DPH6: variants seen among roughly 807,000 people sequenced by gnomAD.
DPH6 encodes the protein diphthamine biosynthesis 6.
A neutral mutation model predicts 38.2 loss-of-function variants in DPH6; 33 were observed. That is an observed-to-expected ratio of 0.86 (90% CI 0.65 to 1.15). The LOEUF (loss-of-function observed/expected upper bound fraction) is 1.15, where lower values mean the gene tolerates loss of function less well. DPH6 is among the 50% of genes most tolerant of loss of function. The pLI, the probability that DPH6 is intolerant of heterozygous loss-of-function variation, is 0.00. For missense variants in DPH6, 325 were observed against 320.0 expected (o/e 1.02, Z -0.12); for synonymous variants, 108 against 103.0 (o/e 1.05, Z -0.30).
intron 3 of DPH6, among the ~76,000 whole-genome samples, chr15:35,475,124 G>C (rs1442453648): frequency 6.6e-6 from 1 of 151,792 alleles, no homozygotes; most frequent in Non-Finnish European, 1.5e-5. Context: ...CAGCTTTCCT[G>C]GTTCCAGCTG....
chr15:35,333,193 C>T (rs1231070659), intron 3 of DPH6, among the ~76,000 whole-genome samples: 1 of 151,724 alleles, frequency 6.6e-6, no homozygotes, highest in Non-Finnish European at 1.5e-5. Flanking sequence ...ATGAAAAAGA[C>T]CAATATCTGA....
intron 3 of DPH6, chr15:35,489,843 T>A: frequency 1.0e-6 from 1 of 973,472 alleles, no homozygotes. Context: ...AAAAGGAATA[T>A]TAATAAGAGT....
At chr15:35,400,648 C>G in intron 6 of DPH6, 1 of 565,002 alleles carries the variant, frequency 1.8e-6, no homozygotes, top group Admixed American at 2.7e-5. Context: ...CCAGTGGATG[C>G]CACCGAGGAA....
At chr15:35,542,388 C>G (rs1194280116) in intron 2 of DPH6, 25 bp downstream of exon 2, 1 of 1,524,490 alleles carries the variant, frequency 6.6e-7, no homozygotes, top group Non-Finnish European at 9.0e-7. Flanking sequence ...ATTTAGGCAA[C>G]TTCCCAATAA....
chr15:35,415,154 A>G (rs1184351983), intron 5 of DPH6, among the ~76,000 whole-genome samples: 5 of 151,926 alleles, frequency 3.3e-5, no homozygotes, highest in Admixed American at 2.6e-4. Flanking sequence ...ATATTCATCT[A>G]TGACTGCCAT....
chr15:35,474,957 G>A lies in DPH6; in HGVS notation c.313-20137C>T, dbSNP rs140659527. Among the ~76,000 whole-genome samples, 532 of 151,358 alleles carry A rather than the reference G, an allele frequency of 3.5e-3. 4 individuals carry two copies. Among genetic ancestry groups the A allele is most frequent in the African/African-American group, 0.012 (515 of 41,342 alleles). ...AAAACTTGGATACAATCACATTTGG[G>A]ATTAAGAAAAAAAGAAAAAGAAAAA... On this transcript the variant is annotated intron_variant, in intron 3 of 8. Transcript: ENST00000256538.
At chr15:35,513,704 T>C (rs1055487037) in intron 3 of DPH6, among the ~76,000 whole-genome samples, 5 of 151,970 alleles carry the variant, frequency 3.3e-5, no homozygotes, top group Admixed American at 6.6e-5. Context: ...ACAAACTTTA[T>C]AGATCCTAAC....
At chr15:35,458,467 G>A (rs1309265506) in intron 3 of DPH6, among the ~76,000 whole-genome samples, 1 of 148,848 alleles carries the variant, frequency 6.7e-6, no homozygotes, top group African/African-American at 2.6e-5. Flanking sequence ...ACAAATAAAG[G>A]GCAAAATAGA....
chr15:35,347,000 A>G (rs2052467122), intron 3 of DPH6, among the ~76,000 whole-genome samples: 1 of 152,136 alleles, frequency 6.6e-6, no homozygotes, highest in South Asian at 2.1e-4. Context: ...CCTCTCAGGT[A>G]TCTGGTTATA....
At chr15:35,279,827 CAT>C (rs972407368) in intron 3 of DPH6, among the ~76,000 whole-genome samples, 2 of 152,290 alleles carry the variant, frequency 1.3e-5, no homozygotes, top group African/African-American at 4.8e-5. Flanking sequence ...CCCCCAAATT[CAT>C]ATGTTGAAGC....
chr15:35,490,949 C>T (rs2054468568), intron 3 of DPH6, among the ~76,000 whole-genome samples: 1 of 152,012 alleles, frequency 6.6e-6, no homozygotes, highest in Admixed American at 6.6e-5. Flanking sequence ...CACCATGTGG[C>T]AAGGAAATAC....
At chr15:35,268,747 GA>G (rs60593996) in intron 3 of DPH6, among the ~76,000 whole-genome samples, 4,777 of 139,702 alleles carry the variant, frequency 0.034, 205 homozygotes, top group African/African-American at 0.11. Flanking sequence ...ATAAAAAATG[GA>G]AAAAAAAAAA....
At position 35,371,804 on chromosome 15, in the gene DPH6, T is replaced by C; in HGVS notation, c.*346A>G. ...GCATCATGACATTATTGGTAGGGAT[T>C]GGAGCAAGAAAGAGAGAAGGAGGAA... On this transcript the variant is annotated 3_prime_UTR_variant, in exon 9 of 9. Coordinates refer to ENST00000256538, the MANE Select transcript of DPH6 (RefSeq NM_080650.4). 2.0e-6 allele frequency: 2 copies of C among 1,013,362 alleles called. No homozygotes were observed. The highest frequency in any genetic ancestry group is 2.4e-6 in the Non-Finnish European group (2 of 849,576). The allele number at this position is 1,013,362 out of a possible 1,614,324, so 62.8% of individuals were successfully genotyped here.
intron 5 of DPH6, among the ~76,000 whole-genome samples, chr15:35,415,668 CA>C (rs2053426969): frequency 6.6e-6 from 1 of 151,968 alleles, no homozygotes; most frequent in Non-Finnish European, 1.5e-5. Flanking sequence ...GATCTTCACA[CA>C]GGTATACCTT....
chr15:35,279,377 T>C (rs893134507), intron 3 of DPH6, among the ~76,000 whole-genome samples: 4 of 152,042 alleles, frequency 2.6e-5, no homozygotes, highest in Admixed American at 1.3e-4. Context: ...TGTAAGGACA[T>C]GAGATTTGAG....
At chr15:35,436,500 A>AAAC (rs772648808) in intron 5 of DPH6, among the ~76,000 whole-genome samples, 16,759 of 60,554 alleles carry the variant, frequency 0.28, 1,730 homozygotes, top group Middle Eastern at 0.38. Context: ...AAAACAAAAC[A>AAAC]AAACAAAACA....
At chr15:35,404,551 T>A (rs192247198) in intron 6 of DPH6, among the ~76,000 whole-genome samples, 1 of 152,178 alleles carries the variant, frequency 6.6e-6, no homozygotes, top group Admixed American at 6.6e-5. Context: ...TCAATTCTTT[T>A]GTCCATTTTT....
intron 3 of DPH6, among the ~76,000 whole-genome samples, chr15:35,497,871 C>T (rs571314041): frequency 2.0e-5 from 3 of 152,184 alleles, no homozygotes; most frequent in East Asian, 1.9e-4. Flanking sequence ...GTAAAAATAA[C>T]GTAAGTACAA....
intron 3 of DPH6, among the ~76,000 whole-genome samples, chr15:35,524,690 T>C (rs1339414923): frequency 6.6e-6 from 1 of 152,150 alleles, no homozygotes; most frequent in Non-Finnish European, 1.5e-5. Context: ...AATTAGAATA[T>C]ATGTGTATAG....
Sources: allele counts gnomAD v4.1 joint callset (sites outside exome capture counted in the v4.1 genomes callset), GRCh38; gene constraint gnomAD v4.1.1; transcripts MANE v1.5; gene names NCBI Gene and HGNC (gene_info 2026-07-23, HGNC 2026-07-21).